ZNF254: variants seen among roughly 807,000 people sequenced by gnomAD.
ZNF254 encodes CTD-2017D11.1.
In ZNF254, 10 loss-of-function variants were observed where a neutral mutation model predicts 12.4. That is an observed-to-expected ratio of 0.80 (90% CI 0.50 to 1.36). The LOEUF is 1.36. Among genes scored for constraint, ZNF254 ranks in the 40% most tolerant of loss-of-function variants. The pLI, the probability that ZNF254 is intolerant of heterozygous loss-of-function variation, is 0.00. For missense variants in ZNF254, 996 were observed against 763.9 expected (o/e 1.30, Z -3.58); for synonymous variants, 305 against 253.4 (o/e 1.20, Z -1.93).
At position 24,069,836 on chromosome 19, in the gene ZNF254, C is replaced by T. The variant is rs761442678; in HGVS notation, c.-94+23557C>T. On this transcript the variant is annotated intron_variant, in intron 2 of 4. Transcript: ENST00000613065. ...ATGTGGTGGCACATGCCTGTAGTCC[C>T]AGCTACTCAGGAGGCTGAGGCAGGA... is the stretch of plus-strand genomic sequence containing the variant. 4.0e-4 allele frequency among the ~76,000 whole-genome samples: 61 copies of T among 152,176 alleles called. 1 individual carries two copies. The highest frequency in any genetic ancestry group is 6.8e-3 in the Middle Eastern group (2 of 294).
At chr19:24,107,027 A>G (rs1175114106) in intron 3 of ZNF254, 1 of 457,100 alleles carries the variant, frequency 2.2e-6, no homozygotes, top group Non-Finnish European at 3.8e-6. Flanking sequence ...AATGTGTGAG[A>G]GTAGTAGTTT....
chr19:24,125,369 G>T (rs1974762522), intron 3 of ZNF254, among the ~76,000 whole-genome samples: 1 of 150,428 alleles, frequency 6.6e-6, no homozygotes, highest in Non-Finnish European at 1.5e-5. Flanking sequence ...ATTTTAATCA[G>T]TATTATTCAG....
At chr19:24,037,005 C>G (rs1568419573) in intron 1 of ZNF254, among the ~76,000 whole-genome samples, 1 of 152,182 alleles carries the variant, frequency 6.6e-6, no homozygotes, top group South Asian at 2.1e-4. Flanking sequence ...TACCACAAAC[C>G]CTGAACCTGA....
At chr19:24,095,546 A>G (rs1163651223) in intron 1 of ZNF254, among the ~76,000 whole-genome samples, 1 of 152,200 alleles carries the variant, frequency 6.6e-6, no homozygotes, top group African/African-American at 2.4e-5. Context: ...GCTATTTATT[A>G]CTAATTCAAT....
At chr19:24,050,668 T>A (rs1354704488) in intron 2 of ZNF254, among the ~76,000 whole-genome samples, 3 of 152,180 alleles carry the variant, frequency 2.0e-5, no homozygotes, top group African/African-American at 7.2e-5. Context: ...ATTGCTGAGG[T>A]TGTGTGACTC....
intron 2 of ZNF254, among the ~76,000 whole-genome samples, chr19:24,074,218 A>G (rs1469932454): frequency 6.8e-6 from 1 of 147,928 alleles, no homozygotes; most frequent in African/African-American, 2.4e-5. Context: ...CACCAAGGTA[A>G]TGTGACTCTC....
In ZNF254 at chr19:24,126,728, A is replaced by G. The variant is rs758780145; in HGVS notation, c.728A>G (p.Tyr243Cys). ...GAGAAACCTTACAAATGTGAAGAATATAACAAATCTCCTAAGCAACTCTCA... is the reference window on the plus strand; with the variant it reads ...GAGAAACCTTACAAATGTGAAGAATGTAACAAATCTCCTAAGCAACTCTCA... ...TEEKPYKCEE[Y>C]NKSPKQLSTL... Residue 243 changes from tyrosine (Y) to cysteine (C), a missense_variant, in exon 4 of 4, where the codon TAT becomes TGT. Coordinates refer to ENST00000357002, the MANE Select transcript of ZNF254 (RefSeq NM_203282.4). The G allele has an allele frequency of 1.9e-6, 3 of 1,613,324 alleles. No individual in the cohort carries two copies. Among genetic ancestry groups the G allele is most frequent in the African/African-American group, 2.7e-5 (2 of 74,880 alleles).
chr19:24,042,922 A>G (rs1280546511), intron 1 of ZNF254, among the ~76,000 whole-genome samples: 2 of 152,252 alleles, frequency 1.3e-5, no homozygotes, highest in East Asian at 3.9e-4. Context: ...CTTTATTATG[A>G]ATGAGTATCT....
At chr19:24,096,185 A>G (rs1376298205) in intron 1 of ZNF254, among the ~76,000 whole-genome samples, 1 of 151,438 alleles carries the variant, frequency 6.6e-6, no homozygotes, top group Non-Finnish European at 1.5e-5. Flanking sequence ...CAGCCTTTCA[A>G]GTAGTTGGGA....
intron 1 of ZNF254, among the ~76,000 whole-genome samples, chr19:24,094,219 G>A (rs1333109371): frequency 1.3e-5 from 2 of 152,120 alleles, no homozygotes; most frequent in Non-Finnish European, 2.9e-5. Context: ...TGCAAACAGG[G>A]ATAGTTTGAC....
chr19:24,063,232 G>A (rs116375856), intron 2 of ZNF254, among the ~76,000 whole-genome samples: 2,236 of 152,322 alleles, frequency 0.015, 54 homozygotes, highest in African/African-American at 0.051. Context: ...GGACATGAGT[G>A]TAATTGTTAA....
chr19:24,101,736 A>G (rs948028669), intron 1 of ZNF254, among the ~76,000 whole-genome samples: 2 of 152,226 alleles, frequency 1.3e-5, no homozygotes, highest in Admixed American at 6.5e-5. Context: ...CTATTGAACC[A>G]TCAGTCCAGG....
chr19:24,051,742 G>A lies in ZNF254; in HGVS notation c.-94+5463G>A, dbSNP rs559544794. ...GAAATATCTTTCTGTTAATCACCTAGGTGATGCGACACTCCTCTTCTACCT... is the reference window on the plus strand; with the variant it reads ...GAAATATCTTTCTGTTAATCACCTAAGTGATGCGACACTCCTCTTCTACCT... On this transcript the variant is annotated intron_variant, in intron 2 of 4. Transcript: ENST00000613065. 2.7e-5 allele frequency among the ~76,000 whole-genome samples: 4 copies of A among 148,120 alleles called. No individual in the cohort carries two copies. In the South Asian group the frequency reaches 8.7e-4, roughly 32 times the overall value.
intron 1 of ZNF254, among the ~76,000 whole-genome samples, chr19:24,043,203 A>T (rs1970243154): frequency 6.6e-6 from 1 of 152,190 alleles, no homozygotes; most frequent in South Asian, 2.1e-4. Context: ...ACAAAAATTA[A>T]TATATAGCTA....
intron 1 of ZNF254, among the ~76,000 whole-genome samples, chr19:24,040,711 A>G (rs1970123265): frequency 1.3e-5 from 2 of 152,242 alleles, no homozygotes; most frequent in Non-Finnish European, 1.5e-5. Context: ...TACAAGCTCA[A>G]TAAACACTGT....
At chr19:24,086,431 G>A (rs571859547), upstream of ZNF254, among the ~76,000 whole-genome samples, 259 of 151,982 alleles carry the variant, frequency 1.7e-3, no homozygotes, top group Middle Eastern at 6.8e-3. Context: ...TCAGCCACCC[G>A]AGAAGCTGGG....
intron 2 of ZNF254, among the ~76,000 whole-genome samples, chr19:24,081,213 A>T (rs931018232): frequency 1.3e-5 from 2 of 152,154 alleles, no homozygotes; most frequent in African/African-American, 4.8e-5. Flanking sequence ...CATTTTACAT[A>T]ATCTCTAAGC....
chr19:24,126,219 G>A lies in ZNF254; in HGVS notation c.254-35G>A, dbSNP rs768649124. On this transcript the variant is annotated intron_variant, in intron 3 of 3. Coordinates refer to ENST00000357002, the MANE Select transcript of ZNF254 (RefSeq NM_203282.4). Reference sequence around the variant, plus strand: ...AACTATATTCATGTGAGTCTAGTAAGTGGAGTAATTTATTTATTTTTATTT... The same window carrying A: ...AACTATATTCATGTGAGTCTAGTAAATGGAGTAATTTATTTATTTTTATTT... 1.7e-5 allele frequency: 23 copies of A among 1,341,782 alleles called. No homozygotes were observed. In the South Asian group the frequency reaches 2.4e-4, roughly 14 times the overall value. The allele number at this position is 1,341,782 out of a possible 1,614,324, so 83.1% of individuals were successfully genotyped here.
At position 24,127,824 on chromosome 19, in the gene ZNF254, C is replaced by T; in HGVS notation, c.1824C>T (p.Gly608=). ...AACCCTACAAATGTGAAGAATGTGG[C>T]AAAGCATTTTTCTGGTCCTCAACCC... ...GVKPYKCEEC[G]KAFFWSSTLT... is the part of the protein sequence containing the mutation. The change falls in exon 4 of 4, where the codon GGC becomes GGT. Residue 608 remains glycine (G), a synonymous_variant. Transcript: ENST00000357002. 1 of 1,613,106 alleles carries T rather than the reference C, an allele frequency of 6.2e-7. No individual in the cohort carries two copies. The highest frequency in any genetic ancestry group is 8.5e-7 in the Non-Finnish European group (1 of 1,179,664).
Sources: gnomAD v4.1 joint callset for allele counts (sites outside exome capture counted in the v4.1 genomes callset) on GRCh38, gnomAD v4.1.1 for gene constraint, MANE v1.5 for transcripts, NCBI Gene and HGNC (gene_info 2026-07-23, HGNC 2026-07-21) for gene names.